The following KCNMB2 variants were observed in gnomAD, a reference collection of about 807,000 sequenced individuals.
KCNMB2 encodes potassium calcium-activated channel subfamily M regulatory beta subunit 2.
KCNMB2 carries 9 observed loss-of-function variants against 24.5 expected under a neutral mutation model. That is an observed-to-expected ratio of 0.37 (90% CI 0.22 to 0.64). KCNMB2 has a LOEUF of 0.64. KCNMB2 is among the 30% of genes least tolerant of loss of function. KCNMB2 has a pLI of 0.63. For synonymous variants in KCNMB2, 109 were observed against 104.4 expected, an observed-to-expected ratio of 1.04 and a Z score of -0.27; for missense variants, 226 against 284.3, an observed-to-expected ratio of 0.79 and a Z score of 1.47.
chr3:178,719,625 T>A (rs1382052971), intron 1 of KCNMB2, among the ~76,000 whole-genome samples: 1 of 152,242 alleles, frequency 6.6e-6, no homozygotes, highest in African/African-American at 2.4e-5. Flanking sequence ...GATTTTTATG[T>A]TCTCTCCTGT....
chr3:178,612,394 C>T (rs1718512138), intron 1 of KCNMB2, among the ~76,000 whole-genome samples: 1 of 151,998 alleles, frequency 6.6e-6, no homozygotes, highest in African/African-American at 2.4e-5. Flanking sequence ...TCTTTAATTA[C>T]ATTTCCTTTC....
At chr3:178,622,465 T>G (rs1383567610) in intron 1 of KCNMB2, among the ~76,000 whole-genome samples, 1 of 152,188 alleles carries the variant, frequency 6.6e-6, no homozygotes, top group Non-Finnish European at 1.5e-5. Flanking sequence ...TTGATAATGT[T>G]GAGTCTCAGA....
intron 1 of KCNMB2, among the ~76,000 whole-genome samples, chr3:178,637,281 C>T (rs1351771584): frequency 6.6e-6 from 1 of 152,222 alleles, no homozygotes; most frequent in Non-Finnish European, 1.5e-5. Context: ...AATAGCCACA[C>T]TGTCTTACAC....
rs567340281 is a variant in KCNMB2 at position 178,648,481 on chromosome 3, G to A, written c.-68+111770G>A. Among the ~76,000 whole-genome samples, 13 of 152,182 alleles carry A rather than the reference G, an allele frequency of 8.5e-5. No homozygotes were observed. In the South Asian group the frequency reaches 2.3e-3, roughly 27 times the overall value. On this transcript the variant is annotated intron_variant, in intron 1 of 4. Coordinates refer to ENST00000452583, the MANE Select transcript of KCNMB2 (RefSeq NM_181361.3). ...TGAGCCCAGGAGTTCAAGGCAGCACGCTGTGAGCTATGATCATGCCACTTT... is the reference window on the plus strand; with the variant it reads ...TGAGCCCAGGAGTTCAAGGCAGCACACTGTGAGCTATGATCATGCCACTTT...
At chr3:178,708,493 T>C (rs1722350647) in intron 1 of KCNMB2, among the ~76,000 whole-genome samples, 2 of 152,138 alleles carry the variant, frequency 1.3e-5, no homozygotes, top group Non-Finnish European at 2.9e-5. Context: ...TGTATAAAAC[T>C]TGCTCAAAGC....
intron 1 of KCNMB2, among the ~76,000 whole-genome samples, chr3:178,640,145 A>G (rs1325612541): frequency 6.6e-6 from 1 of 152,190 alleles, no homozygotes; most frequent in East Asian, 1.9e-4. Context: ...CTACAACACA[A>G]TGAAATGGGC....
At chr3:178,650,477 CT>C (rs1203364695) in intron 1 of KCNMB2, among the ~76,000 whole-genome samples, 2 of 152,038 alleles carry the variant, frequency 1.3e-5, no homozygotes, top group African/African-American at 4.8e-5. Context: ...GAGTCTACGT[CT>C]TTTTGTAGGT....
chr3:178,591,592 T>A (rs1023018711), intron 1 of KCNMB2, among the ~76,000 whole-genome samples: 2 of 152,154 alleles, frequency 1.3e-5, no homozygotes, highest in Non-Finnish European at 2.9e-5. Flanking sequence ...GTCACATGAC[T>A]ATAAAGAGGC....
At chr3:178,575,170 G>C (rs1716947133) in intron 1 of KCNMB2, among the ~76,000 whole-genome samples, 1 of 152,164 alleles carries the variant, frequency 6.6e-6, no homozygotes, top group Non-Finnish European at 1.5e-5. Context: ...ATTCAACTGT[G>C]ATAAATACTA....
intron 1 of KCNMB2, among the ~76,000 whole-genome samples, chr3:178,597,928 G>T (rs1256002047): frequency 6.6e-6 from 1 of 151,840 alleles, no homozygotes; most frequent in Non-Finnish European, 1.5e-5. Flanking sequence ...AAAAAATTGG[G>T]GTGGGAGGAA....
intron 1 of KCNMB2, among the ~76,000 whole-genome samples, chr3:178,599,500 T>C (rs372707639): frequency 1.5e-3 from 228 of 152,288 alleles, no homozygotes; most frequent in African/African-American, 5.2e-3. Flanking sequence ...TGATGACAAA[T>C]CGCAACACAC....
intron 1 of KCNMB2, among the ~76,000 whole-genome samples, chr3:178,623,611 A>T (rs1718998840): frequency 6.6e-6 from 1 of 152,216 alleles, no homozygotes; most frequent in African/African-American, 2.4e-5. Context: ...AATAAAATAA[A>T]ATAAGCTTTG....
intron 1 of KCNMB2, among the ~76,000 whole-genome samples, chr3:178,714,558 G>C (rs1398434646): frequency 6.6e-6 from 1 of 152,210 alleles, no homozygotes; most frequent in African/African-American, 2.4e-5. Context: ...GTAGACTCGG[G>C]AGAAAGCACG....
intron 1 of KCNMB2, among the ~76,000 whole-genome samples, chr3:178,565,377 G>T (rs1347256577): frequency 6.6e-6 from 1 of 152,144 alleles, no homozygotes; most frequent in African/African-American, 2.4e-5. Context: ...TTACATTTTG[G>T]GATTCCTCTT....
intron 1 of KCNMB2, among the ~76,000 whole-genome samples, chr3:178,591,805 G>T (rs989496287): frequency 4.6e-5 from 7 of 152,086 alleles, no homozygotes; most frequent in African/African-American, 1.7e-4. Context: ...GAACCCCTGG[G>T]ATTCTGATGT....
chr3:178,565,797 C>T (rs1397333110), intron 1 of KCNMB2, among the ~76,000 whole-genome samples: 1 of 152,170 alleles, frequency 6.6e-6, no homozygotes, highest in African/African-American at 2.4e-5. Context: ...TGATCAATCA[C>T]ATCCTCACAA....
At chr3:178,835,302 C>A (rs1715186167) in intron 4 of KCNMB2, among the ~76,000 whole-genome samples, 2 of 152,066 alleles carry the variant, frequency 1.3e-5, no homozygotes, top group Non-Finnish European at 1.5e-5. Context: ...GGTCCACTTG[C>A]CAAAATCAAG....
chr3:178,721,098 A>G (rs1302138826), intron 1 of KCNMB2, among the ~76,000 whole-genome samples: 10 of 152,236 alleles, frequency 6.6e-5, no homozygotes, highest in African/African-American at 1.9e-4. Flanking sequence ...CGGGGTTTTT[A>G]TGGTTTTAGG....
At chr3:178,683,040 G>A (rs13064782) in intron 1 of KCNMB2, among the ~76,000 whole-genome samples, 49,356 of 151,722 alleles carry the variant, frequency 0.33, 8,693 homozygotes, top group African/African-American at 0.46. Flanking sequence ...ATCCACTTGC[G>A]CATTCATTGC....
Sources: gnomAD v4.1 joint callset for allele counts (sites outside exome capture counted in the v4.1 genomes callset) on GRCh38, gnomAD v4.1.1 for gene constraint, MANE v1.5 for transcripts, NCBI Gene and HGNC (gene_info 2026-07-23, HGNC 2026-07-21) for gene names.